PHF20: variants seen among roughly 807,000 people sequenced by gnomAD.
The protein encoded by PHF20 is PHD finger protein 20, also known as glioma-expressed antigen 2.
In PHF20, 23 loss-of-function variants were observed where a neutral mutation model predicts 113.5. That is an observed-to-expected ratio of 0.20 (90% CI 0.15 to 0.29). PHF20 has a LOEUF of 0.29. Among genes scored for constraint, PHF20 ranks in the 10% least tolerant of loss-of-function variants. PHF20 has a pLI of 1.00. For missense variants in PHF20, 943 were observed against 1,219.6 expected, an observed-to-expected ratio of 0.77 and a Z score of 3.38; for synonymous variants, 434 against 457.3, an observed-to-expected ratio of 0.95 and a Z score of 0.65.
chr20:35,780,968 C>T (rs981155447), intron 1 of PHF20, among the ~76,000 whole-genome samples: 2 of 150,850 alleles, frequency 1.3e-5, no homozygotes, highest in African/African-American at 2.4e-5. Flanking sequence ...ATTCTCTTAC[C>T]TCAGCCTCCC....
chr20:35,932,428 A>ATT (rs753265544), intron 15 of PHF20, among the ~76,000 whole-genome samples: 2,371 of 104,632 alleles, frequency 0.023, 167 homozygotes, highest in African/African-American at 0.071. Context: ...CATCTTAACC[A>ATT]TTTTTTTTTT....
rs2017653118 is a variant in PHF20, at chr20:35,851,612, GC to G, written c.340+4180del. 2.1e-5 allele frequency among the ~76,000 whole-genome samples: 3 copies of G among 141,884 alleles called. No individual in the cohort carries two copies. The South Asian group carries it at 7.8e-4, about 37-fold the overall frequency. 93.1% of individuals were successfully genotyped at this position (141,884 alleles called of 152,430 possible). ...CCGCCCCTTTTTTTTTGCCTAGATA[GC>G]CTTTAACGATGTCAATGTCTGGCCA... On this transcript the variant is annotated intron_variant, in intron 4 of 17. Transcript: ENST00000374012.
At chr20:35,864,904 A>C (rs1397466153) in intron 6 of PHF20, among the ~76,000 whole-genome samples, 1 of 152,200 alleles carries the variant, frequency 6.6e-6, no homozygotes, top group Non-Finnish European at 1.5e-5. Context: ...CCTCGATTTT[A>C]AAATACTGAT....
intron 9 of PHF20, among the ~76,000 whole-genome samples, chr20:35,894,698 C>G (rs969414025): frequency 6.6e-6 from 1 of 152,200 alleles, no homozygotes; most frequent in African/African-American, 2.4e-5. Context: ...GAAGTTGTTA[C>G]CATTATCGTC....
At chr20:35,877,585 T>A (rs2054554376) in intron 9 of PHF20, among the ~76,000 whole-genome samples, 1 of 151,270 alleles carries the variant, frequency 6.6e-6, no homozygotes, top group African/African-American at 2.4e-5. Context: ...ACTTTCTTTT[T>A]TTTTTTTTTG....
chr20:35,824,933 A>G (rs575528760), intron 2 of PHF20, among the ~76,000 whole-genome samples: 1 of 152,316 alleles, frequency 6.6e-6, no homozygotes, highest in Admixed American at 6.5e-5. Context: ...CTTTTTGTGG[A>G]TGAATAATTC....
At chr20:35,783,521 A>G (rs534143061) in intron 1 of PHF20, among the ~76,000 whole-genome samples, 27 of 150,868 alleles carry the variant, frequency 1.8e-4, no homozygotes, top group African/African-American at 6.6e-4. Flanking sequence ...GGTTCAAGGG[A>G]TCCTCCTGCC....
At chr20:35,906,138 C>A (rs2055196550) in intron 10 of PHF20, among the ~76,000 whole-genome samples, 1 of 152,210 alleles carries the variant, frequency 6.6e-6, no homozygotes, top group African/African-American at 2.4e-5. Flanking sequence ...CGTGCTCTCA[C>A]CCTGGGTAAA....
chr20:35,936,587 C>G (rs1463055061), intron 15 of PHF20, among the ~76,000 whole-genome samples: 3 of 152,276 alleles, frequency 2.0e-5, no homozygotes, highest in South Asian at 4.1e-4. Context: ...TCTTTAATAA[C>G]AAACTTTTTT....
chr20:35,919,528 C>T (rs965144506), intron 13 of PHF20, among the ~76,000 whole-genome samples: 12 of 151,980 alleles, frequency 7.9e-5, no homozygotes, highest in African/African-American at 1.4e-4. Flanking sequence ...TTAGTAGAGA[C>T]GGTGTTTCAC....
chr20:35,871,614 T>C, intron 8 of PHF20, 36 bp from the exon 9 acceptor site: 2 of 1,548,940 alleles, frequency 1.3e-6, no homozygotes, highest in Non-Finnish European at 1.7e-6. Flanking sequence ...ATTACATACA[T>C]GTATATTTCC....
chr20:35,919,244 C>T (rs1363302418), intron 13 of PHF20, among the ~76,000 whole-genome samples: 2 of 151,646 alleles, frequency 1.3e-5, no homozygotes, highest in African/African-American at 4.8e-5. Context: ...CTGGAACTCC[C>T]GACCTCAGGT....
At position 35,905,862 on chromosome 20, in the gene PHF20, C is replaced by G. The variant is rs534196932; in HGVS notation, c.1561+6214C>G. Among the ~76,000 whole-genome samples the G allele has an allele frequency of 3.9e-5, 6 of 152,338 alleles. No individual in the cohort carries two copies. The South Asian group carries it at 1.2e-3, about 32-fold the overall frequency. On this transcript the variant is annotated intron_variant, in intron 10 of 17. Transcript: ENST00000374012. ...GCCAGCCTTCTGTAATCCTGTCACT[C>G]ATATGGTTCTTCTGCTCTCAGCCAA... is the stretch of plus-strand genomic sequence containing the variant.
At chr20:35,850,937 G>T in intron 4 of PHF20, 1 of 564,024 alleles carries the variant, frequency 1.8e-6, no homozygotes, top group Non-Finnish European at 3.3e-6. Flanking sequence ...AGATAGAACT[G>T]CAGCAATGAA....
At chr20:35,860,934 A>G (rs186989535) in intron 5 of PHF20, among the ~76,000 whole-genome samples, 122 of 152,184 alleles carry the variant, frequency 8.0e-4, no homozygotes, top group Admixed American at 2.3e-3. Flanking sequence ...TTTGGCTTGG[A>G]GGTGGGTGCC....
At chr20:35,890,283 G>C (rs900789205) in intron 9 of PHF20, among the ~76,000 whole-genome samples, 4 of 152,070 alleles carry the variant, frequency 2.6e-5, no homozygotes, top group African/African-American at 9.7e-5. Context: ...ACCCACCTTG[G>C]CCTCCCAAAG....
At chr20:35,893,733 G>GC (rs2054922536) in intron 9 of PHF20, among the ~76,000 whole-genome samples, 1 of 151,954 alleles carries the variant, frequency 6.6e-6, no homozygotes, top group African/African-American at 2.4e-5. Flanking sequence ...TCCTGCCTCA[G>GC]CCCCCCGAGT....
intron 17 of PHF20, among the ~76,000 whole-genome samples, chr20:35,942,277 T>TA (rs34086778): frequency 2.0e-5 from 3 of 150,864 alleles, no homozygotes; most frequent in South Asian, 2.1e-4. Flanking sequence ...AAAAATAAAC[T>TA]AAAAAAAAGG....
In PHF20 at chr20:35,942,579, G is replaced by A. The variant is rs543845392; in HGVS notation, c.2896+1532G>A. On this transcript the variant is annotated intron_variant, in intron 17 of 17. Coordinates refer to ENST00000374012, the MANE Select transcript of PHF20 (RefSeq NM_016436.5). ...ATGGGCAGTGTGGCAAGGATGGTAG[G>A]CCTGAACCCCCTTCTTTGGCCTCAC... Among the ~76,000 whole-genome samples the A allele has an allele frequency of 7.2e-5, 11 of 152,318 alleles. No homozygotes were observed. In the East Asian group the frequency reaches 2.1e-3, roughly 29 times the overall value.
Sources: allele counts gnomAD v4.1 joint callset (sites outside exome capture counted in the v4.1 genomes callset), GRCh38; gene constraint gnomAD v4.1.1; transcripts MANE v1.5; gene names NCBI Gene and HGNC (gene_info 2026-07-23, HGNC 2026-07-21).